Variants in MEMO1 observed in about 807,000 individuals in gnomAD.
The protein encoded by MEMO1 is protein MEMO1.
MEMO1 carries 6 observed loss-of-function variants against 45.2 expected under a neutral mutation model. That is an observed-to-expected ratio of 0.13 (90% CI 0.07 to 0.26). The LOEUF (loss-of-function observed/expected upper bound fraction) is 0.26, where lower values mean the gene tolerates loss of function less well. Ranked by LOEUF, MEMO1 falls within the 10% of genes least tolerant of loss-of-function variation. The pLI is 1.00. For missense variants in MEMO1, 184 were observed against 370.5 expected, an observed-to-expected ratio of 0.50 and a Z score of 4.13; for synonymous variants, 78 against 124.3, an observed-to-expected ratio of 0.63 and a Z score of 2.48.
chr2:31,889,438 C>T (rs1431211024), intron 7 of MEMO1, among the ~76,000 whole-genome samples: 1 of 151,762 alleles, frequency 6.6e-6, no homozygotes, highest in African/African-American at 2.4e-5. Flanking sequence ...GAAAGAAAAA[C>T]CATTAAGTAT....
At chr2:31,933,113 G>C (rs1282511027) in intron 3 of MEMO1, among the ~76,000 whole-genome samples, 1 of 150,878 alleles carries the variant, frequency 6.6e-6, no homozygotes, top group African/African-American at 2.4e-5. Flanking sequence ...CTGAATGGAA[G>C]AAAGTCAAAC....
At chr2:31,870,509 C>A (rs1282472104) in intron 8 of MEMO1, among the ~76,000 whole-genome samples, 2 of 152,040 alleles carry the variant, frequency 1.3e-5, no homozygotes, top group East Asian at 3.9e-4. Context: ...AAAAAAATGA[C>A]ACGAACTAAG....
intron 2 of MEMO1, among the ~76,000 whole-genome samples, chr2:31,949,758 T>C (rs945668116): frequency 7.9e-5 from 12 of 152,044 alleles, no homozygotes; most frequent in East Asian, 1.9e-4. Flanking sequence ...TAGAGTATGA[T>C]TGGATTCTTT....
intron 2 of MEMO1, among the ~76,000 whole-genome samples, chr2:31,970,017 G>A (rs1669190430): frequency 6.6e-6 from 1 of 152,032 alleles, no homozygotes; most frequent in Non-Finnish European, 1.5e-5. Flanking sequence ...TCTTGCCCAG[G>A]CTGGAGTGCA....
chr2:31,897,429 G>C (rs764789203), intron 6 of MEMO1, among the ~76,000 whole-genome samples: 2 of 152,092 alleles, frequency 1.3e-5, no homozygotes, highest in Non-Finnish European at 2.9e-5. Flanking sequence ...AGCATGAAGC[G>C]GTATTGAATT....
chr2:31,905,836 T>C (rs1383713141), intron 6 of MEMO1, among the ~76,000 whole-genome samples: 1 of 152,230 alleles, frequency 6.6e-6, no homozygotes, highest in African/African-American at 2.4e-5. Flanking sequence ...TCTGTTCAGT[T>C]TGTTACCCCA....
chr2:31,932,307 A>G (rs1007459974), intron 3 of MEMO1, among the ~76,000 whole-genome samples, 172 bp from the exon 4 acceptor site: 3 of 152,342 alleles, frequency 2.0e-5, no homozygotes, highest in Admixed American at 6.5e-5. Flanking sequence ...TAGGAAACAC[A>G]TGATCTATAC....
chr2:31,944,495 A>T (rs528020341), intron 2 of MEMO1, among the ~76,000 whole-genome samples: 2 of 152,312 alleles, frequency 1.3e-5, no homozygotes, highest in South Asian at 4.1e-4. Context: ...GTCACCCTAA[A>T]TTGAGAAGAT....
intron 2 of MEMO1, among the ~76,000 whole-genome samples, chr2:31,984,131 C>T (rs1670990109): frequency 6.6e-6 from 1 of 152,174 alleles, no homozygotes; most frequent in Non-Finnish European, 1.5e-5. Context: ...TTCAGCGACT[C>T]ACATCCAAAG....
chr2:31,889,182 C>A (rs1676591079), intron 7 of MEMO1, among the ~76,000 whole-genome samples: 1 of 151,952 alleles, frequency 6.6e-6, no homozygotes, highest in African/African-American at 2.4e-5. Context: ...GTAGTCACTG[C>A]CAGTAATCTA....
At chr2:31,996,651 G>C (rs922705608) in intron 2 of MEMO1, among the ~76,000 whole-genome samples, 1 of 152,080 alleles carries the variant, frequency 6.6e-6, no homozygotes, top group African/African-American at 2.4e-5. Context: ...AAAATCAATA[G>C]GAATACAGAA....
At chr2:31,949,557 C>T (rs1666582199) in intron 2 of MEMO1, among the ~76,000 whole-genome samples, 2 of 145,082 alleles carry the variant, frequency 1.4e-5, no homozygotes, top group South Asian at 4.4e-4. Flanking sequence ...AACAATGGAA[C>T]TCATGGACAT....
At chr2:32,002,517 G>C (rs189561673) in intron 2 of MEMO1, among the ~76,000 whole-genome samples, 1 of 151,602 alleles carries the variant, frequency 6.6e-6, no homozygotes, top group Non-Finnish European at 1.5e-5. Context: ...TCAGTGTTTC[G>C]GGCAGCATAT....
At chr2:31,972,920 G>C (rs890791283) in intron 2 of MEMO1, among the ~76,000 whole-genome samples, 2 of 152,130 alleles carry the variant, frequency 1.3e-5, no homozygotes, top group African/African-American at 2.4e-5. Context: ...ATCCTTTTTA[G>C]CCATCATGGA....
At chr2:31,903,066 A>C (rs956969446) in intron 6 of MEMO1, among the ~76,000 whole-genome samples, 2 of 152,284 alleles carry the variant, frequency 1.3e-5, no homozygotes, top group Admixed American at 6.5e-5. Context: ...TTAAATATTA[A>C]CAAATTTATG....
At chr2:31,969,078 C>A (rs563036250) in intron 2 of MEMO1, among the ~76,000 whole-genome samples, 1 of 151,638 alleles carries the variant, frequency 6.6e-6, no homozygotes, top group South Asian at 2.1e-4. Flanking sequence ...ATGGACAAAC[C>A]AATTTTCCCA....
At chr2:31,977,421 AATG>A (rs1343377786) in intron 2 of MEMO1, among the ~76,000 whole-genome samples, 1 of 152,200 alleles carries the variant, frequency 6.6e-6, no homozygotes, top group Non-Finnish European at 1.5e-5. Context: ...CTTAAGTCAC[AATG>A]ATGACCGCAG....
chr2:32,000,205 C>G (rs1422578612), intron 2 of MEMO1, among the ~76,000 whole-genome samples: 1 of 151,174 alleles, frequency 6.6e-6, no homozygotes, highest in Non-Finnish European at 1.5e-5. Context: ...ACTCAAATGA[C>G]ATCTCAGTGA....
chr2:31,937,909 G>T (rs1014840406), intron 3 of MEMO1, among the ~76,000 whole-genome samples: 1 of 152,130 alleles, frequency 6.6e-6, no homozygotes, highest in African/African-American at 2.4e-5. Context: ...ACATATTTCT[G>T]CATAGTGCAA....
Sources: allele counts gnomAD v4.1 joint callset (sites outside exome capture counted in the v4.1 genomes callset), GRCh38; gene constraint gnomAD v4.1.1; transcripts MANE v1.5; gene names NCBI Gene and HGNC (gene_info 2026-07-23, HGNC 2026-07-21).